GPHN: variants seen among roughly 807,000 people sequenced by gnomAD.
GPHN encodes the protein gephyrin.
A neutral mutation model predicts 95.5 loss-of-function variants in GPHN; 17 were observed. That is an observed-to-expected ratio of 0.18 (90% confidence interval 0.12 to 0.27). GPHN has a LOEUF of 0.27. Among genes scored for constraint, GPHN ranks in the 10% least tolerant of loss-of-function variants. The pLI is 1.00. For synonymous variants in GPHN, 320 were observed against 322.5 expected (o/e 0.99, Z 0.08); for missense variants, 660 against 978.1 (o/e 0.67, Z 4.34).
the GPHN span, among the ~76,000 whole-genome samples, chr14:67,712,305 T>C: frequency 6.6e-6 from 1 of 152,082 alleles, no homozygotes; most frequent in Non-Finnish European, 1.5e-5. Context: ...GAGAATTATT[T>C]TGAGGTTAAA....
At chr14:67,289,286 T>C in the GPHN span, among the ~76,000 whole-genome samples, 5 of 152,130 alleles carry the variant, frequency 3.3e-5, no homozygotes, top group East Asian at 1.9e-4. Flanking sequence ...TTAAGTCTTA[T>C]AAGTCTTTAT....
intron 3 of GPHN, among the ~76,000 whole-genome samples, chr14:66,803,649 G>A (rs947577393): frequency 6.6e-6 from 1 of 152,208 alleles, no homozygotes; most frequent in African/African-American, 2.4e-5. Context: ...ATTTTTGAGT[G>A]TGTCCCACAT....
intron 2 of GPHN, chr14:66,709,448 C>T: frequency 2.2e-6 from 1 of 455,554 alleles, no homozygotes; most frequent in Admixed American, 2.4e-5. Flanking sequence ...ATCTGATAAC[C>T]CAGATGGCTG....
At chr14:66,890,278 C>T (rs2064409004) in intron 5 of GPHN, among the ~76,000 whole-genome samples, 1 of 151,964 alleles carries the variant, frequency 6.6e-6, no homozygotes. Flanking sequence ...TGTAGTGGCA[C>T]ACACCTGTAG....
chr14:67,128,458 G>T (rs1567373899), intron 17 of GPHN, among the ~76,000 whole-genome samples: 1 of 151,866 alleles, frequency 6.6e-6, no homozygotes, highest in Non-Finnish European at 1.5e-5. Flanking sequence ...CATTTTATTT[G>T]AAAAAAGCAA....
At chr14:67,272,530 G>A in the GPHN span, among the ~76,000 whole-genome samples, 10,838 of 152,224 alleles carry the variant, frequency 0.071, 891 homozygotes, top group African/African-American at 0.2. Flanking sequence ...AGTTGTAGTT[G>A]TTACTACTAC....
At chr14:67,515,438 C>T in the GPHN span, 1 of 184,900 alleles carries the variant, frequency 5.4e-6, no homozygotes. Context: ...GCGGCGGCGG[C>T]ACTCACCCAT....
At chr14:67,492,779 T>A in the GPHN span, among the ~76,000 whole-genome samples, 4 of 152,086 alleles carry the variant, frequency 2.6e-5, no homozygotes, top group South Asian at 8.3e-4. Context: ...TTATTCAAGG[T>A]GTTATATTCC....
At chr14:67,090,824 A>G (rs2077118197) in intron 12 of GPHN, among the ~76,000 whole-genome samples, 1 of 152,000 alleles carries the variant, frequency 6.6e-6, no homozygotes, top group African/African-American at 2.4e-5. Context: ...GCTCACTTAA[A>G]TTTTTTAGCT....
chr14:67,660,031 G>A, the GPHN span: 10 of 1,116,164 alleles, frequency 9.0e-6, no homozygotes, highest in Non-Finnish European at 1.0e-5. Context: ...ACTACACCAA[G>A]TAAATAACCA....
At chr14:67,698,600 C>G in the GPHN span, among the ~76,000 whole-genome samples, 1 of 152,014 alleles carries the variant, frequency 6.6e-6, no homozygotes, top group Non-Finnish European at 1.5e-5. Flanking sequence ...AGAAACTACA[C>G]AACAATTTGA....
intron 1 of GPHN, among the ~76,000 whole-genome samples, chr14:66,555,625 AAAG>A (rs2059981251): frequency 6.6e-6 from 1 of 152,170 alleles, no homozygotes; most frequent in Non-Finnish European, 1.5e-5. Flanking sequence ...TAAGACAAAA[AAAG>A]AAAAAAAATC....
the GPHN span, among the ~76,000 whole-genome samples, chr14:67,262,851 A>G: frequency 6.6e-6 from 1 of 152,162 alleles, no homozygotes; most frequent in African/African-American, 2.4e-5. Flanking sequence ...CTTCATTATT[A>G]GCCATATACA....
chr14:67,199,883 C>T, the GPHN span: 3 of 1,489,850 alleles, frequency 2.0e-6, no homozygotes, highest in South Asian at 1.4e-5. Context: ...GGACATGGCC[C>T]CCCATCGGCA....
chr14:67,471,498 A>T, the GPHN span: 1 of 152,044 alleles, frequency 6.6e-6, no homozygotes, highest in African/African-American at 2.4e-5. Context: ...TAGATGGAAA[A>T]CAATCTACTC....
chr14:67,497,102 C>G, the GPHN span, among the ~76,000 whole-genome samples: 2 of 152,010 alleles, frequency 1.3e-5, no homozygotes, highest in South Asian at 4.2e-4. Flanking sequence ...TTCTCTCTCT[C>G]TCTTTCAAGA....
At chr14:67,382,115 TCAGAGA>T in the GPHN span, among the ~76,000 whole-genome samples, 3 of 152,072 alleles carry the variant, frequency 2.0e-5, no homozygotes, top group Admixed American at 6.5e-5. Context: ...TCAGTTTAGT[TCAGAGA>T]CAAATTATCC....
At chr14:67,338,517 A>C in the GPHN span, 1 of 1,290,674 alleles carries the variant, frequency 7.7e-7, no homozygotes, top group Non-Finnish European at 1.0e-6. Flanking sequence ...CAACCAGTGA[A>C]ATTCTTAGGC....
the GPHN span, among the ~76,000 whole-genome samples, chr14:67,664,874 T>C: frequency 1.3e-5 from 2 of 152,160 alleles, no homozygotes; most frequent in Non-Finnish European, 1.5e-5. Context: ...TCTTAAGACC[T>C]GGCTTTTTTT....
Sources: gnomAD v4.1 joint callset for allele counts (sites outside exome capture counted in the v4.1 genomes callset) on GRCh38, gnomAD v4.1.1 for gene constraint, MANE v1.5 for transcripts, NCBI Gene and HGNC (gene_info 2026-07-23, HGNC 2026-07-21) for gene names.